Variants in FMO3 observed in about 807,000 individuals in gnomAD.
The protein encoded by FMO3 is flavin containing dimethylaniline monoxygenase 3, also known as flavin-containing monooxygenase 3.
A neutral mutation model predicts 39.4 loss-of-function variants in FMO3; 40 were observed. The ratio of observed to expected loss-of-function variants is 1.02; its 90% CI spans 0.79 to 1.32. The LOEUF (loss-of-function observed/expected upper bound fraction) is 1.32, where lower values mean the gene tolerates loss of function less well. FMO3 is among the 40% of genes most tolerant of loss of function. The probability of loss-of-function intolerance (pLI) is 0.00; values close to 1 mark genes in which losing one functional copy is unlikely to be tolerated. For synonymous variants in FMO3, 219 were observed against 228.8 expected (o/e 0.96, Z 0.39); for missense variants, 680 against 651.8 (o/e 1.04, Z -0.47).
intron 2 of FMO3, chr1:171,100,663 T>G (rs1655339068): frequency 6.4e-6 from 1 of 157,114 alleles, no homozygotes; most frequent in Admixed American, 6.1e-5. Context: ...AAATGAGAGT[T>G]GAGACTTGAT....
intron 5 of FMO3, among the ~76,000 whole-genome samples, chr1:171,109,526 CTTT>C (rs780479699): frequency 3.4e-5 from 2 of 58,994 alleles, no homozygotes; most frequent in Non-Finnish European, 5.8e-5. Context: ...TTAGTCTCTT[CTTT>C]TTTTTTTTTT....
At chr1:171,107,284 T>A (rs1655685964) in intron 3 of FMO3, among the ~76,000 whole-genome samples, 1 of 152,254 alleles carries the variant, frequency 6.6e-6, no homozygotes, top group Admixed American at 6.5e-5. Context: ...CACGTTTTCA[T>A]ATATTCTGGT....
At chr1:171,105,342 A>G (rs1174295960) in intron 3 of FMO3, among the ~76,000 whole-genome samples, 1 of 152,224 alleles carries the variant, frequency 6.6e-6, no homozygotes, top group Non-Finnish European at 1.5e-5. Context: ...GGAAAATTAC[A>G]GGCCAATCTC....
In FMO3 at chr1:171,107,764, G is replaced by A. The variant is rs146587449; in HGVS notation, c.411G>A (p.Ser137=). ...VTTERDGKKE[S]AVFDAVMVCS... ...CTGAAAGGGATGGTAAAAAAGAATC[G>A]GCTGTCTTTGATGCTGTAATGGTTT... Residue 137 remains serine, a synonymous_variant, in exon 4 of 9, where the codon TCG becomes TCA. Transcript: ENST00000367755. 9.9e-6 allele frequency: 16 copies of A among 1,613,690 alleles called. No individual in the cohort carries two copies. Among genetic ancestry groups the A allele is most frequent in the African/African-American group, 5.3e-5 (4 of 74,868 alleles).
rs1429994444 is a variant in FMO3, at chr1:171,117,260, C to T, written c.1417C>T (p.Leu473=). 1 of 1,614,144 alleles carries T rather than the reference C, an allele frequency of 6.2e-7. No homozygotes were observed. Among genetic ancestry groups the T allele is most frequent in the Admixed American group, 1.7e-5 (1 of 60,014 alleles). The change falls in exon 9 of 9, where the codon CTG becomes TTG. Residue 473 remains leucine (L), a synonymous_variant. Coordinates refer to ENST00000367755, the MANE Select transcript of FMO3 (RefSeq NM_001002294.3). ...CCCTTGTAGTCCCTACCAGTTTAGG[C>T]TGGTGGGCCCAGGGCAGTGGCCAGG... The part of the protein sequence containing the change: ...FGPCSPYQFR[L]VGPGQWPGAR...
At chr1:171,110,053 G>T (rs571042422) in intron 5 of FMO3, among the ~76,000 whole-genome samples, 1 of 152,212 alleles carries the variant, frequency 6.6e-6, no homozygotes, top group South Asian at 2.1e-4. Flanking sequence ...TTATCACATC[G>T]AATTAACGCT....
At chr1:171,100,564 A>T (rs904458849) in intron 2 of FMO3, 3 of 152,482 alleles carry the variant, frequency 2.0e-5, no homozygotes, top group African/African-American at 7.2e-5. Flanking sequence ...ATTTTGCCTC[A>T]TCCTGGTCCA....
intron 6 of FMO3, among the ~76,000 whole-genome samples, chr1:171,111,344 C>T (rs2075992): frequency 0.62 from 93,658 of 151,864 alleles, 29,797 homozygotes; most frequent in African/African-American, 0.79. Flanking sequence ...GAGAGCTCTA[C>T]TAGTATCTCC....
At chr1:171,096,081 A>ATATATATTATATATTATATAT (rs1655012838) in intron 2 of FMO3, among the ~76,000 whole-genome samples, 2 of 56,004 alleles carry the variant, frequency 3.6e-5, no homozygotes, top group Admixed American at 3.3e-4. Flanking sequence ...TTAATATATA[A>ATATATATTATATATTATATAT]TATATATTAA....
intron 7 of FMO3, among the ~76,000 whole-genome samples, 173 bp downstream of exon 7, chr1:171,114,535 A>G (rs1419848130): frequency 6.6e-6 from 1 of 152,186 alleles, no homozygotes; most frequent in African/African-American, 2.4e-5. Context: ...ACCAGTTTGG[A>G]TTATTGTATG....
intron 1 of FMO3, among the ~76,000 whole-genome samples, chr1:171,092,017 C>T (rs28363524): frequency 0.02 from 2,978 of 151,740 alleles, 41 homozygotes; most frequent in Middle Eastern, 0.051. Flanking sequence ...GTTTTAGTTG[C>T]GAATCTTTAT....
chr1:171,107,713 A>C lies in FMO3; in HGVS notation c.360A>C (p.Ala120=), dbSNP rs766722862. 3.5e-5 allele frequency: 56 copies of C among 1,613,340 alleles called. 1 individual carries two copies. The South Asian group carries it at 6.0e-4, about 17-fold the overall frequency. ...VSSVNKHPDF[A]TTGQWDVTTE... ...GTGTAAATAAACATCCTGATTTTGC[A>C]ACTACTGGCCAGTGGGATGTTACCA... Residue 120 remains alanine (A), a synonymous_variant, in exon 4 of 9, where the codon GCA becomes GCC. Coordinates refer to ENST00000367755, the MANE Select transcript of FMO3 (RefSeq NM_001002294.3).
intron 2 of FMO3, among the ~76,000 whole-genome samples, chr1:171,094,004 T>A (rs1484907342): frequency 3.3e-5 from 5 of 151,896 alleles, no homozygotes; most frequent in African/African-American, 1.2e-4. Context: ...AATTTTTGTA[T>A]TTTTAGTAGA....
intron 2 of FMO3, among the ~76,000 whole-genome samples, chr1:171,095,618 T>C (rs1334192515): frequency 1.3e-5 from 2 of 150,594 alleles, no homozygotes; most frequent in Non-Finnish European, 2.9e-5. Context: ...GTAACAGCTG[T>C]TTAAATATTA....
chr1:171,100,488 T>C (rs1655331141), intron 2 of FMO3: 1 of 152,304 alleles, frequency 6.6e-6, no homozygotes, highest in South Asian at 2.1e-4. Context: ...TTACCCATGC[T>C]TGTCCCACCA....
chr1:171,092,289 G>A (rs1466479789), intron 1 of FMO3, among the ~76,000 whole-genome samples: 1 of 151,970 alleles, frequency 6.6e-6, no homozygotes, highest in Admixed American at 6.6e-5. Flanking sequence ...GTACAATCAC[G>A]GCTCACTGCA....
chr1:171,113,050 C>G (rs1207745961), intron 6 of FMO3, among the ~76,000 whole-genome samples: 1 of 152,150 alleles, frequency 6.6e-6, no homozygotes, highest in East Asian at 1.9e-4. Flanking sequence ...ACCACTGGAT[C>G]TGGGAGCCTG....
chr1:171,117,564 T>C lies in FMO3; in HGVS notation c.*122T>C, dbSNP rs1656220839. 2.8e-6 allele frequency: 2 copies of C among 701,992 alleles called. No homozygotes were observed. Among genetic ancestry groups the C allele is most frequent in the South Asian group, 3.6e-5 (2 of 55,218 alleles). The allele number at this position is 701,992 out of a possible 1,614,324, so 43.5% of individuals were successfully genotyped here. A position where few individuals can be genotyped will look rare whatever the true frequency, so the allele number is the denominator to read the frequency against. On this transcript the variant is annotated 3_prime_UTR_variant, in exon 9 of 9. Coordinates refer to ENST00000367755, the MANE Select transcript of FMO3 (RefSeq NM_001002294.3). ...ATTCAGCATCTTTTGCAGTACTCTGTAGACATTAGTCAGTAATACAGTGTT... is the reference window on the plus strand; with the variant it reads ...ATTCAGCATCTTTTGCAGTACTCTGCAGACATTAGTCAGTAATACAGTGTT...
chr1:171,104,026 T>C, intron 3 of FMO3, 53 bp downstream of exon 3: 4 of 1,277,078 alleles, frequency 3.1e-6, no homozygotes, highest in Non-Finnish European at 4.6e-6. Flanking sequence ...GAAGTCTATG[T>C]CTACTACTGG....
Sources: gnomAD v4.1 joint callset for allele counts (sites outside exome capture counted in the v4.1 genomes callset) on GRCh38, gnomAD v4.1.1 for gene constraint, MANE v1.5 for transcripts, NCBI Gene and HGNC (gene_info 2026-07-23, HGNC 2026-07-21) for gene names.